BICRAL: variants seen among roughly 807,000 people sequenced by gnomAD.
BICRAL encodes the protein BICRA like chromatin remodeling complex associated protein.
In BICRAL, 8 loss-of-function variants were observed where a neutral mutation model predicts 91.8. That is an observed-to-expected ratio of 0.09 (90% CI 0.05 to 0.16). The LOEUF (loss-of-function observed/expected upper bound fraction) is 0.16, where lower values mean the gene tolerates loss of function less well. Among genes scored for constraint, BICRAL ranks in the 10% least tolerant of loss-of-function variants. The probability of loss-of-function intolerance (pLI) is 1.00; values close to 1 mark genes in which losing one functional copy is unlikely to be tolerated. For missense variants in BICRAL, 1,038 were observed against 1,310.9 expected (o/e 0.79, Z 3.21); for synonymous variants, 445 against 491.1 (o/e 0.91, Z 1.24).
At chr6:42,751,153 CT>C (rs751356400) in intron 1 of BICRAL, among the ~76,000 whole-genome samples, 542 of 140,834 alleles carry the variant, frequency 3.8e-3, no homozygotes, top group African/African-American at 7.6e-3. Context: ...CCTTAAATCA[CT>C]TTTTTTTTTT....
intron 1 of BICRAL, among the ~76,000 whole-genome samples, chr6:42,747,389 TA>T (rs1426876629): frequency 5.3e-5 from 8 of 152,086 alleles, no homozygotes; most frequent in Admixed American, 6.5e-5. Flanking sequence ...TAAATTGGGG[TA>T]TTTAACGACC....
Position 42,806,853 on chromosome 6 carries a change from A to G in BICRAL, c.-101-3453A>G, listed in dbSNP as rs150774311. 7.2e-3 allele frequency among the ~76,000 whole-genome samples: 1,085 copies of G among 151,644 alleles called. 6 individuals are homozygous for G. Among genetic ancestry groups the G allele is most frequent in the African/African-American group, 0.023 (957 of 41,320 alleles). On this transcript the variant is annotated intron_variant, in intron 1 of 12. Coordinates refer to ENST00000314073, the MANE Select transcript of BICRAL (RefSeq NM_001393499.1). The stretch of plus-strand genomic sequence containing the variant: ...TGTTTGTTTGTTTGTTTTTTGAGAC[A>G]GAGTTTTGCTCTTGTCATCCAGGCT...
At chr6:42,753,439 A>G (rs1218237415) in intron 1 of BICRAL, among the ~76,000 whole-genome samples, 1 of 152,124 alleles carries the variant, frequency 6.6e-6, no homozygotes, top group Non-Finnish European at 1.5e-5. Context: ...GGTCATGGAA[A>G]GCTTCAGAGG....
chr6:42,857,614 A>ATATATATAT (rs1554283187), intron 10 of BICRAL, among the ~76,000 whole-genome samples: 17 of 96,208 alleles, frequency 1.8e-4, no homozygotes, highest in African/African-American at 8.5e-4. Context: ...AAAAAAAAAA[A>ATATATATAT]ATATATATAT....
At chr6:42,794,584 A>G (rs1474125483) in intron 1 of BICRAL, among the ~76,000 whole-genome samples, 1 of 151,874 alleles carries the variant, frequency 6.6e-6, no homozygotes, top group Non-Finnish European at 1.5e-5. Flanking sequence ...AAGTACTAAT[A>G]TATTATTCTC....
At chr6:42,842,788 A>G (rs909718957) in intron 6 of BICRAL, among the ~76,000 whole-genome samples, 12 of 152,096 alleles carry the variant, frequency 7.9e-5, no homozygotes, top group Non-Finnish European at 1.5e-4. Flanking sequence ...AGTACCTACC[A>G]CATGCCAGCC....
rs930119414 is a variant in BICRAL at position 42,828,933 on chromosome 6, T to C, written c.600T>C (p.His200=). 7 of 1,614,156 alleles carry C rather than the reference T, an allele frequency of 4.3e-6. No individual in the cohort carries two copies. The highest frequency in any genetic ancestry group is 5.9e-6 in the Non-Finnish European group (7 of 1,179,988). ...TGGGGATCAGTGTTCCCAGCCAGCA[T>C]TTGTCTAATAGCAGTCAGATTAGTG... The part of the protein sequence containing the change: ...QHVGISVPSQ[H]LSNSSQISGS... The change falls in exon 6 of 13, where the codon CAT becomes CAC. Residue 200 remains histidine (H), a synonymous_variant. Transcript: ENST00000314073.
chr6:42,811,370 C>A (rs1320831037), intron 2 of BICRAL, among the ~76,000 whole-genome samples: 2 of 152,176 alleles, frequency 1.3e-5, no homozygotes, highest in African/African-American at 4.8e-5. Flanking sequence ...CGCCTGTAAT[C>A]CCAGCACTTT....
At chr6:42,800,616 C>G (rs558288757) in intron 1 of BICRAL, among the ~76,000 whole-genome samples, 61 of 150,300 alleles carry the variant, frequency 4.1e-4, no homozygotes, top group African/African-American at 1.5e-3. Context: ...GTGCTGTGAT[C>G]TCAGCTCACT....
chr6:42,857,053 A>G (rs1350015134), intron 9 of BICRAL, 38 bp from the exon 10 acceptor site: 7 of 1,553,112 alleles, frequency 4.5e-6, no homozygotes, highest in South Asian at 2.3e-5. Context: ...ATTTCCTAAC[A>G]TGACTTTACA....
At chr6:42,797,044 CAAAAAAA>C (rs1192829085) in intron 1 of BICRAL, among the ~76,000 whole-genome samples, 1 of 44,296 alleles carries the variant, frequency 2.3e-5, no homozygotes, top group Non-Finnish European at 4.9e-5. Context: ...AACTCTGTCT[CAAAAAAA>C]AAAAAAAAAA....
chr6:42,834,476 C>T (rs2113970115), intron 6 of BICRAL, among the ~76,000 whole-genome samples: 1 of 152,284 alleles, frequency 6.6e-6, no homozygotes, highest in East Asian at 1.9e-4. Flanking sequence ...AGAGCTATTA[C>T]TATCATGGCC....
intron 2 of BICRAL, among the ~76,000 whole-genome samples, chr6:42,817,228 A>G (rs1764019952): frequency 1.3e-5 from 2 of 151,796 alleles, no homozygotes; most frequent in African/African-American, 2.4e-5. Context: ...CATAATGTAC[A>G]TAATATTCTG....
chr6:42,858,938 G>C (rs1292095251), intron 10 of BICRAL, among the ~76,000 whole-genome samples: 4 of 152,144 alleles, frequency 2.6e-5, no homozygotes, highest in Admixed American at 2.0e-4. Context: ...AGGCCTGGCT[G>C]TATCAGTGCC....
chr6:42,785,774 G>A (rs1763088345), intron 1 of BICRAL, among the ~76,000 whole-genome samples: 1 of 152,154 alleles, frequency 6.6e-6, no homozygotes, highest in Non-Finnish European at 1.5e-5. Context: ...CACAGGTCAG[G>A]GCCAGGCACA....
intron 1 of BICRAL, among the ~76,000 whole-genome samples, chr6:42,782,343 T>TGGGG (rs747628152): frequency 5.9e-5 from 1 of 17,048 alleles, no homozygotes; most frequent in Non-Finnish European, 1.1e-4. Flanking sequence ...TTTTTTTTTT[T>TGGGG]GGGGGGGGGT....
intron 1 of BICRAL, among the ~76,000 whole-genome samples, chr6:42,808,731 C>T (rs1036785659): frequency 9.2e-5 from 14 of 152,074 alleles, no homozygotes; most frequent in African/African-American, 3.1e-4. Flanking sequence ...TGTTTTAGGC[C>T]TCCAAGACAG....
At chr6:42,839,677 A>G (rs1241107434) in intron 6 of BICRAL, among the ~76,000 whole-genome samples, 1 of 152,100 alleles carries the variant, frequency 6.6e-6, no homozygotes, top group Non-Finnish European at 1.5e-5. Flanking sequence ...CTAAGAGATC[A>G]TGTATTCTTT....
At chr6:42,788,126 T>C (rs1035315830) in intron 1 of BICRAL, among the ~76,000 whole-genome samples, 10 of 151,936 alleles carry the variant, frequency 6.6e-5, no homozygotes, top group African/African-American at 2.4e-4. Flanking sequence ...GGCTTTTCTT[T>C]TAAACAATGG....
Sources: allele counts gnomAD v4.1 joint callset (sites outside exome capture counted in the v4.1 genomes callset), GRCh38; gene constraint gnomAD v4.1.1; transcripts MANE v1.5; gene names NCBI Gene and HGNC (gene_info 2026-07-23, HGNC 2026-07-21).